CSMD1: variants seen among roughly 807,000 people sequenced by gnomAD.
CSMD1 encodes the protein CUB and sushi domain-containing protein 1.
A neutral mutation model predicts 417.5 loss-of-function variants in CSMD1; 213 were observed. The observed-to-expected ratio is 0.51, with a 90% CI of 0.46 to 0.57. The LOEUF (loss-of-function observed/expected upper bound fraction) is 0.57, where lower values mean the gene tolerates loss of function less well. Ranked by LOEUF, CSMD1 falls within the 20% of genes least tolerant of loss-of-function variation. The pLI is 0.00. For missense variants in CSMD1, 6,923 were observed against 4,529.7 expected (o/e 1.53, Z -15.17); for synonymous variants, 2,862 against 1,736.8 (o/e 1.65, Z -16.11).
intron 1 of CSMD1, among the ~76,000 whole-genome samples, chr8:4,890,170 A>G (rs117191491): frequency 0.018 from 2,704 of 152,270 alleles, 46 homozygotes; most frequent in Non-Finnish European, 0.027. Flanking sequence ...TAAAGAAATA[A>G]TTTCTAGTCA....
At chr8:4,128,405 T>C (rs887318501) in intron 3 of CSMD1, among the ~76,000 whole-genome samples, 2 of 152,180 alleles carry the variant, frequency 1.3e-5, no homozygotes, top group African/African-American at 4.8e-5. Flanking sequence ...CTAAAACATC[T>C]GTGATGACTC....
intron 2 of CSMD1, among the ~76,000 whole-genome samples, chr8:4,443,738 T>C (rs543968162): frequency 2.0e-5 from 3 of 152,192 alleles, no homozygotes; most frequent in Admixed American, 6.5e-5. Context: ...ATCCAAAATA[T>C]GAACAGTTTT....
At chr8:3,943,339 G>A (rs1811009927) in intron 5 of CSMD1, among the ~76,000 whole-genome samples, 1 of 148,258 alleles carries the variant, frequency 6.7e-6, no homozygotes, top group Non-Finnish European at 1.5e-5. Flanking sequence ...TATTCTTGTA[G>A]TGAGTGAACT....
intron 5 of CSMD1, among the ~76,000 whole-genome samples, chr8:3,897,068 G>C (rs1198191617): frequency 6.6e-6 from 1 of 151,948 alleles, no homozygotes; most frequent in African/African-American, 2.4e-5. Flanking sequence ...TTATTGTACT[G>C]GAAGTTTCCG....
At chr8:4,040,590 C>T (rs1320948407) in intron 3 of CSMD1, among the ~76,000 whole-genome samples, 1 of 152,170 alleles carries the variant, frequency 6.6e-6, no homozygotes, top group Non-Finnish European at 1.5e-5. Context: ...GTTATAATAA[C>T]ATGCATATAT....
chr8:3,309,324 G>GA (rs200021507), intron 23 of CSMD1, among the ~76,000 whole-genome samples: 5,517 of 144,762 alleles, frequency 0.038, 225 homozygotes, highest in Admixed American at 0.12. Flanking sequence ...CATGGGAAAA[G>GA]AAAAAAAAAC....
chr8:3,534,115 C>A (rs1341479522), intron 10 of CSMD1, among the ~76,000 whole-genome samples: 1 of 152,142 alleles, frequency 6.6e-6, no homozygotes, highest in African/African-American at 2.4e-5. Flanking sequence ...AGCCCATATT[C>A]CCCGCTCTCA....
chr8:3,661,859 G>C (rs979972390), intron 7 of CSMD1, among the ~76,000 whole-genome samples: 3 of 152,070 alleles, frequency 2.0e-5, no homozygotes, highest in Non-Finnish European at 4.4e-5. Context: ...CCTTTAGATC[G>C]GTGTTGAAGG....
rs567931687 is a variant in CSMD1, at chr8:3,286,225, A to G, written c.3951-1879T>C. 2.0e-5 allele frequency among the ~76,000 whole-genome samples: 3 copies of G among 152,206 alleles called. No individual in the cohort carries two copies. In the East Asian group the frequency reaches 5.8e-4, roughly 29 times the overall value. On this transcript the variant is annotated intron_variant, in intron 25 of 69. Transcript: ENST00000635120. The stretch of plus-strand genomic sequence containing the variant: ...CTACAATTTCTTAATCCAGTCTATC[A>G]TTGTTGGACATTTGGGTTGGTTCCA...
intron 3 of CSMD1, among the ~76,000 whole-genome samples, chr8:4,389,295 C>T (rs924990134): frequency 6.6e-6 from 1 of 152,012 alleles, no homozygotes; most frequent in Non-Finnish European, 1.5e-5. Flanking sequence ...TTAGAAAATG[C>T]GATCATATAA....
chr8:4,453,396 A>T (rs1010143722), intron 2 of CSMD1, among the ~76,000 whole-genome samples: 1 of 152,182 alleles, frequency 6.6e-6, no homozygotes, highest in African/African-American at 2.4e-5. Flanking sequence ...TTGGTGCTGA[A>T]GTCAGGAGAT....
At chr8:2,995,615 T>C (rs989943597) in intron 54 of CSMD1, among the ~76,000 whole-genome samples, 5 of 152,158 alleles carry the variant, frequency 3.3e-5, no homozygotes, top group African/African-American at 4.8e-5. Context: ...CGTAGCAGCA[T>C]TGTTTGTGAC....
At chr8:4,315,334 T>C (rs1585215787) in intron 3 of CSMD1, among the ~76,000 whole-genome samples, 1 of 152,280 alleles carries the variant, frequency 6.6e-6, no homozygotes, top group South Asian at 2.1e-4. Context: ...CTAGCTGCTG[T>C]TGCTGCACTG....
intron 1 of CSMD1, among the ~76,000 whole-genome samples, chr8:4,696,823 A>G (rs1807164197): frequency 6.6e-6 from 1 of 152,214 alleles, no homozygotes; most frequent in Non-Finnish European, 1.5e-5. Flanking sequence ...ATTTCATTCC[A>G]CAAAAATCAC....
At chr8:3,921,127 T>C (rs1809222033) in intron 5 of CSMD1, among the ~76,000 whole-genome samples, 1 of 152,216 alleles carries the variant, frequency 6.6e-6, no homozygotes, top group Non-Finnish European at 1.5e-5. Flanking sequence ...GGTTGAACAC[T>C]GACACATTTC....
Position 3,430,680 on chromosome 8 carries a change from G to T in CSMD1, c.1562-21075C>A, listed in dbSNP as rs757120051. ...AAAGTAGCCAGGTGTGATGGCAGGTGCCTGTAATCCCAGCTACTCAGGAGG... is the reference window on the plus strand; with the variant it reads ...AAAGTAGCCAGGTGTGATGGCAGGTTCCTGTAATCCCAGCTACTCAGGAGG... On this transcript the variant is annotated intron_variant, in intron 12 of 69. Transcript: ENST00000635120. Among the ~76,000 whole-genome samples, 61 of 152,170 alleles carry T rather than the reference G, an allele frequency of 4.0e-4. 1 individual carries two copies. The highest frequency in any genetic ancestry group is 1.6e-3 in the Admixed American group (25 of 15,280).
At chr8:4,039,023 T>C (rs1402975425) in intron 3 of CSMD1, among the ~76,000 whole-genome samples, 1 of 150,394 alleles carries the variant, frequency 6.6e-6, no homozygotes, top group Non-Finnish European at 1.5e-5. Context: ...ATATTAAGTA[T>C]CTTTCCAAAA....
intron 1 of CSMD1, among the ~76,000 whole-genome samples, chr8:4,754,943 C>G (rs1291591631): frequency 6.6e-6 from 1 of 151,978 alleles, no homozygotes. Context: ...TCGAAACCAG[C>G]CTGGCCAACA....
chr8:4,815,742 C>G, intron 1 of CSMD1, among the ~76,000 whole-genome samples: 1 of 136,622 alleles, frequency 7.3e-6, no homozygotes, highest in South Asian at 2.5e-4. Flanking sequence ...ACCTTTAAAT[C>G]TTTTTAAAAG....
Sources: allele counts gnomAD v4.1 joint callset (sites outside exome capture counted in the v4.1 genomes callset), GRCh38; gene constraint gnomAD v4.1.1; transcripts MANE v1.5; gene names NCBI Gene and HGNC (gene_info 2026-07-23, HGNC 2026-07-21).